COL20A1: variants seen among roughly 807,000 people sequenced by gnomAD.
COL20A1 encodes collagen alpha-1(XX) chain.
COL20A1 carries 164 observed loss-of-function variants against 152.9 expected under a neutral mutation model. The ratio of observed to expected loss-of-function variants is 1.07; its 90% CI spans 0.94 to 1.22. The LOEUF (loss-of-function observed/expected upper bound fraction) is 1.22. COL20A1 is among the 50% of genes most tolerant of loss of function. COL20A1 has a pLI of 0.00. For synonymous variants in COL20A1, 864 were observed against 756.0 expected, an observed-to-expected ratio of 1.14 and a Z score of -2.34; for missense variants, 1,873 against 1,744.8, an observed-to-expected ratio of 1.07 and a Z score of -1.31.
chr20:63,329,768 C>A (rs2123441618), intron 35 of COL20A1, 107 bp downstream of exon 35: 1 of 789,206 alleles, frequency 1.3e-6, no homozygotes, highest in Non-Finnish European at 2.0e-6. Context: ...GGGTGGGGTG[C>A]TGGGAGCACA....
chr20:63,320,437 C>T (rs6062891), intron 25 of COL20A1, 69 bp downstream of exon 25: 1,347,516 of 1,457,160 alleles, frequency 0.92, 626,950 homozygotes, highest in East Asian at 0.98. Context: ...GGTCACAGTG[C>T]CTGGGGTCAG....
In COL20A1 at chr20:63,328,454, T is replaced by G. The variant is rs1309444168; in HGVS notation, c.3737T>G (p.Val1246Gly). ...GSPGTRSKALVPGEWGRGGRH... is the reference protein window; with the variant it reads ...GSPGTRSKALGPGEWGRGGRH... ...CCTGGCACCCGCAGCAAGGCCCTGG[T>G]TCCTGGAGAATGGGGGCGTGGTGGC... Residue 1246 changes from valine (V) to glycine (G), a missense_variant, in exon 34 of 36, where the codon GTT (valine) becomes GGT (glycine). Coordinates refer to ENST00000358894, the MANE Select transcript of COL20A1 (RefSeq NM_020882.4). 5.0e-6 allele frequency: 8 copies of G among 1,612,386 alleles called. No individual in the cohort carries two copies.
intron 35 of COL20A1, among the ~76,000 whole-genome samples, chr20:63,330,096 G>A (rs2068312553): frequency 6.6e-6 from 1 of 152,066 alleles, no homozygotes; most frequent in Non-Finnish European, 1.5e-5. Context: ...TGAGGCCCTG[G>A]GTATGTCGAT....
chr20:63,312,248 C>T (rs1055633187), intron 14 of COL20A1, among the ~76,000 whole-genome samples, 172 bp from the exon 15 acceptor site: 3 of 152,178 alleles, frequency 2.0e-5, no homozygotes, highest in African/African-American at 4.8e-5. Context: ...GAGGCCCACC[C>T]CAGCCGTCCT....
intron 5 of COL20A1, among the ~76,000 whole-genome samples, 169 bp from the exon 6 acceptor site, chr20:63,307,321 G>A (rs947848278): frequency 4.6e-5 from 7 of 152,234 alleles, no homozygotes; most frequent in African/African-American, 7.2e-5. Context: ...CAGCCGTGCC[G>A]GTGTGGGGCT....
chr20:63,295,255 G>A (rs527370752), intron 2 of COL20A1, 66 bp downstream of exon 2: 22 of 1,081,310 alleles, frequency 2.0e-5, no homozygotes, highest in Middle Eastern at 2.5e-4. Flanking sequence ...GTGCCCACGC[G>A]GGACGAGCCC....
Position 63,325,719 on chromosome 20 carries a change from A to C in COL20A1, c.3400A>C (p.Lys1134Gln). The C allele has an allele frequency of 6.2e-7, 1 of 1,611,772 alleles. No homozygotes were observed. Among genetic ancestry groups the C allele is most frequent in the South Asian group, 1.1e-5 (1 of 90,994 alleles). ...IPGRVGLQGP[K>Q]GMRGLEGTAG... ...CGGGAGAGTTGGCCTCCAGGGACCA[A>C]AGGTGCCGGCTCTGGGCTTGGAGGG... The change falls in exon 29 of 36, where the codon AAG becomes CAG. Residue 1134 changes from lysine (K) to glutamine (Q), a missense_variant and splice_region_variant. Physicochemically the swap from Lys to Gln is moderately conservative, Grantham distance 53. Coordinates refer to ENST00000358894, the MANE Select transcript of COL20A1 (RefSeq NM_020882.4).
intron 3 of COL20A1, among the ~76,000 whole-genome samples, chr20:63,301,403 T>G (rs2067861641): frequency 6.6e-6 from 1 of 152,246 alleles, no homozygotes; most frequent in African/African-American, 2.4e-5. Context: ...AATTTGCAGT[T>G]GTTGGGTAGA....
chr20:63,312,078 G>A, intron 14 of COL20A1, 23 bp downstream of exon 14: 1 of 1,532,592 alleles, frequency 6.5e-7, no homozygotes, highest in Non-Finnish European at 8.8e-7. Context: ...CCCTCCGGGG[G>A]CCCGAGTGTC....
Position 63,320,278 on chromosome 20 carries a change from C to T in COL20A1, c.3076-13C>T, listed in dbSNP as rs2068143865. On this transcript the variant is annotated splice_polypyrimidine_tract_variant and intron_variant, in intron 24 of 35. Transcript: ENST00000358894. ...CTGAGCCCCGGGGCTGAGCCGGCTC[C>T]CCTGCGTTGCAGTTTCAGCTCCAGA... 2 of 1,608,802 alleles carry T rather than the reference C, an allele frequency of 1.2e-6. No homozygotes were observed. Among genetic ancestry groups the T allele is most frequent in the Non-Finnish European group, 1.7e-6 (2 of 1,179,758 alleles).
intron 9 of COL20A1, 71 bp downstream of exon 9, chr20:63,309,568 T>G: frequency 7.3e-7 from 1 of 1,376,638 alleles, no homozygotes; most frequent in Non-Finnish European, 9.6e-7. Flanking sequence ...GGGGGGACGC[T>G]GTGGCTCCCG....
chr20:63,296,419 G>A (rs986606309), intron 2 of COL20A1, among the ~76,000 whole-genome samples: 1 of 152,270 alleles, frequency 6.6e-6, no homozygotes, highest in Non-Finnish European at 1.5e-5. Flanking sequence ...GGGCCATTGA[G>A]TCCCTGAGGA....
rs747830086 is a variant in COL20A1, at chr20:63,305,840, CCTCCA to C, written c.338-36_338-32del. ...GTGCAGCTGCCCCAGTGGACCAGGC[CCTCCA>C]CTCCCACCCTGATGGCTCTTTGTGT... On this transcript the variant is annotated intron_variant, in intron 4 of 35. Coordinates refer to ENST00000358894, the MANE Select transcript of COL20A1 (RefSeq NM_020882.4). The surrounding 1 kb of genome is among the most constrained non-coding windows in gnomAD (Gnocchi z 4.9). The C allele has an allele frequency of 4.7e-5, 75 of 1,594,030 alleles. No individual in the cohort carries two copies. The East Asian group carries it at 1.6e-3, about 35-fold the overall frequency.
At position 63,307,528 on chromosome 20, in the gene COL20A1, G is replaced by GACATGGT; in HGVS notation, c.536_542dup (p.Phe182HisfsTer31). ...CCGCTGCCTGCCCCCCGTGCCTGCTGACATGGTCTTCCTGGTGGACGGGTC... is the reference window on the plus strand; with the variant it reads ...CCGCTGCCTGCCCCCCGTGCCTGCTGACATGGTACATGGTCTTCCTGGTGGACGGGTC... On this transcript the variant is annotated frameshift_variant, in exon 6 of 36. Coordinates refer to ENST00000358894, the MANE Select transcript of COL20A1 (RefSeq NM_020882.4). LOFTEE classifies it high-confidence loss of function. The GACATGGT allele has an allele frequency of 6.2e-7, 1 of 1,612,544 alleles. No individual in the cohort carries two copies. The highest frequency in any genetic ancestry group is 8.5e-7 in the Non-Finnish European group (1 of 1,179,706).
rs2068371883 is a variant in COL20A1 at position 63,334,638 on chromosome 20, G to A, written c.*3922G>A. 6.6e-6 allele frequency: 1 copy of A among 152,152 alleles called. No homozygotes were observed. Among genetic ancestry groups the A allele is most frequent in the Non-Finnish European group, 1.5e-5 (1 of 68,024 alleles). 9.4% of individuals were successfully genotyped at this position (152,152 alleles called of 1,614,324 possible). On this transcript the variant is annotated 3_prime_UTR_variant, in exon 36 of 36. Transcript: ENST00000358894. ...AGGGTGTTGCCGTGTTACCCAGGCT[G>A]GTCTTGAACTTCTGAGCTCAAACGA... is the stretch of plus-strand genomic sequence containing the variant.
chr20:63,333,042 A>C lies in COL20A1; in HGVS notation c.*2326A>C, dbSNP rs2123446604. ...TGGGTCCTTTTAGGAGCCCCCAGGG[A>C]CTGAGCCGGGGCTCACGCTCCTGGC... On this transcript the variant is annotated 3_prime_UTR_variant, in exon 36 of 36. Transcript: ENST00000358894. 6.6e-6 allele frequency: 1 copy of C among 152,198 alleles called. No individual in the cohort carries two copies. The highest frequency in any genetic ancestry group is 1.9e-4 in the East Asian group (1 of 5,158). 9.4% of individuals were successfully genotyped at this position (152,198 alleles called of 1,614,324 possible). A position where few individuals can be genotyped will look rare whatever the true frequency, so the allele number is the denominator to read the frequency against.
chr20:63,310,265 G>A (rs1349810436), intron 10 of COL20A1, 116 bp from the exon 11 acceptor site: 2 of 1,165,914 alleles, frequency 1.7e-6, no homozygotes, highest in East Asian at 2.6e-5. Flanking sequence ...CCTGTGGGAA[G>A]TGGGGCACCC....
intron 6 of COL20A1, 125 bp from the exon 7 acceptor site, chr20:63,307,846 G>T (rs2123392935): frequency 7.8e-7 from 1 of 1,281,062 alleles, no homozygotes; most frequent in Non-Finnish European, 1.1e-6. Context: ...TCTCCCTGGG[G>T]ACTGGCTACT....
intron 6 of COL20A1, 35 bp downstream of exon 6, chr20:63,307,683 C>T (rs777416314): frequency 4.5e-5 from 72 of 1,595,128 alleles, no homozygotes; most frequent in Middle Eastern, 1.7e-4. Flanking sequence ...CTGCCCCACC[C>T]GGGTGTGGTC....
Sources: gnomAD v4.1 joint callset for allele counts (sites outside exome capture counted in the v4.1 genomes callset) on GRCh38, gnomAD v4.1.1 for gene constraint, Gnocchi (gnomAD v3.1) non-coding constraint, MANE v1.5 for transcripts, NCBI Gene and HGNC (gene_info 2026-07-23, HGNC 2026-07-21) for gene names.